LGSN: variants seen among roughly 807,000 people sequenced by gnomAD.
LGSN encodes lengsin, lens protein with glutamine synthetase domain.
LGSN carries 21 observed loss-of-function variants against 19.5 expected under a neutral mutation model. The ratio of observed to expected loss-of-function variants is 1.07; its 90% CI spans 0.76 to 1.55. The LOEUF (loss-of-function observed/expected upper bound fraction) is 1.55, where lower values mean the gene tolerates loss of function less well. Among genes scored for constraint, LGSN ranks in the 40% most tolerant of loss-of-function variants. LGSN has a pLI of 0.00. For synonymous variants in LGSN, 257 were observed against 215.6 expected (o/e 1.19, Z -1.68); for missense variants, 673 against 608.5 (o/e 1.11, Z -1.12).
At chr6:63,289,183 T>C (rs1246499468) in intron 2 of LGSN, among the ~76,000 whole-genome samples, 1 of 152,194 alleles carries the variant, frequency 6.6e-6, no homozygotes, top group Non-Finnish European at 1.5e-5. Flanking sequence ...AGTGAGTGAG[T>C]GAATGAATGA....
the LGSN span, chr6:63,441,881 CT>C: frequency 3.8e-6 from 1 of 266,134 alleles, no homozygotes; most frequent in Non-Finnish European, 7.3e-6. Flanking sequence ...GCAGCTGCCC[CT>C]TTGTGTCCGG....
chr6:63,465,327 C>T, the LGSN span, among the ~76,000 whole-genome samples: 1 of 151,776 alleles, frequency 6.6e-6, no homozygotes, highest in Admixed American at 6.6e-5. Flanking sequence ...ATTACAGGCA[C>T]CCACCACCAC....
the LGSN span, among the ~76,000 whole-genome samples, chr6:63,431,805 G>T: frequency 6.6e-6 from 1 of 151,844 alleles, no homozygotes; most frequent in Admixed American, 6.6e-5. Flanking sequence ...AGTGGCTCAT[G>T]CCTGTAATCC....
At chr6:63,487,032 C>T in the LGSN span, among the ~76,000 whole-genome samples, 326 of 151,934 alleles carry the variant, frequency 2.1e-3, 1 homozygote, top group African/African-American at 7.4e-3. Context: ...GATGGGGTTT[C>T]ACCATGTTGG....
intron 2 of LGSN, among the ~76,000 whole-genome samples, chr6:63,288,174 C>T (rs1369799213): frequency 1.3e-5 from 2 of 151,542 alleles, no homozygotes; most frequent in Non-Finnish European, 2.9e-5. Context: ...CACCAAGGAG[C>T]TGAGATGGTG....
chr6:63,489,302 A>G, the LGSN span, among the ~76,000 whole-genome samples: 2 of 152,352 alleles, frequency 1.3e-5, no homozygotes, highest in South Asian at 2.1e-4. Flanking sequence ...TGCTGGAAGT[A>G]TATCTAAATA....
At chr6:63,477,560 A>G in the LGSN span, among the ~76,000 whole-genome samples, 4 of 151,552 alleles carry the variant, frequency 2.6e-5, no homozygotes, top group African/African-American at 7.3e-5. Flanking sequence ...GAAATATGCC[A>G]TGGGGGTCTC....
the LGSN span, among the ~76,000 whole-genome samples, chr6:63,393,521 G>C: frequency 2.0e-5 from 3 of 152,100 alleles, no homozygotes; most frequent in Non-Finnish European, 4.4e-5. Flanking sequence ...ACAAGATGGC[G>C]CTGGTTAACT....
chr6:63,536,244 C>T, the LGSN span, among the ~76,000 whole-genome samples: 2 of 152,098 alleles, frequency 1.3e-5, no homozygotes, highest in African/African-American at 4.8e-5. Context: ...GCAGGAGAAT[C>T]GCTCGAACCT....
At chr6:63,396,744 G>T in the LGSN span, 1 of 153,114 alleles carries the variant, frequency 6.5e-6, no homozygotes, top group East Asian at 1.9e-4. Context: ...GCTGAGGCTT[G>T]TTGGAAGAGG....
At chr6:63,445,170 G>A in the LGSN span, among the ~76,000 whole-genome samples, 1 of 152,084 alleles carries the variant, frequency 6.6e-6, no homozygotes, top group African/African-American at 2.4e-5. Context: ...AATTAGCTGG[G>A]TGTGGTGGCA....
the LGSN span, among the ~76,000 whole-genome samples, chr6:63,532,412 C>T: frequency 6.6e-6 from 1 of 152,144 alleles, no homozygotes; most frequent in East Asian, 1.9e-4. Context: ...CTACCAGTAC[C>T]AGCCACAGGA....
the LGSN span, among the ~76,000 whole-genome samples, chr6:63,377,416 C>T: frequency 6.6e-6 from 1 of 152,190 alleles, no homozygotes; most frequent in Non-Finnish European, 1.5e-5. Flanking sequence ...CCACCTTTTG[C>T]CCCAGCTCTC....
At chr6:63,477,498 G>A in the LGSN span, among the ~76,000 whole-genome samples, 1 of 151,976 alleles carries the variant, frequency 6.6e-6, no homozygotes, top group Admixed American at 6.6e-5. Context: ...ATCCAAATCA[G>A]ATCGTTTATT....
chr6:63,345,683 C>T, the LGSN span, among the ~76,000 whole-genome samples: 1 of 152,172 alleles, frequency 6.6e-6, no homozygotes, highest in African/African-American at 2.4e-5. Context: ...AAGATTACAA[C>T]CTTCTGCTTA....
intron 1 of LGSN, among the ~76,000 whole-genome samples, chr6:63,308,057 G>C (rs1033067995): frequency 1.3e-5 from 2 of 152,132 alleles, no homozygotes; most frequent in Non-Finnish European, 2.9e-5. Flanking sequence ...TAGGGAGTGA[G>C]GTAAACCAGG....
At chr6:63,437,049 A>AGGGAAGGGAG in the LGSN span, among the ~76,000 whole-genome samples, 4 of 125,740 alleles carry the variant, frequency 3.2e-5, no homozygotes, top group Non-Finnish European at 4.9e-5. Flanking sequence ...AAGAAAGAAA[A>AGGGAAGGGAG]GGGAAGGGAG....
At chr6:63,340,181 CT>C in the LGSN span, among the ~76,000 whole-genome samples, 2 of 152,166 alleles carry the variant, frequency 1.3e-5, no homozygotes, top group South Asian at 4.2e-4. Context: ...TGACGCTTTT[CT>C]CTTGCAGTCC....
the LGSN span, among the ~76,000 whole-genome samples, chr6:63,480,994 C>CACAT: frequency 6.0e-4 from 71 of 119,172 alleles, no homozygotes; most frequent in South Asian, 2.2e-3. Context: ...TATACACACA[C>CACAT]ACATACATAC....
Sources: gnomAD v4.1 joint callset for allele counts (sites outside exome capture counted in the v4.1 genomes callset) on GRCh38, gnomAD v4.1.1 for gene constraint, MANE v1.5 for transcripts, NCBI Gene and HGNC (gene_info 2026-07-23, HGNC 2026-07-21) for gene names.